LRIG1: variants seen among roughly 807,000 people sequenced by gnomAD.
LRIG1 encodes leucine-rich repeats and immunoglobulin-like domains protein 1.
LRIG1 carries 48 observed loss-of-function variants against 99.2 expected under a neutral mutation model. That is an observed-to-expected ratio of 0.48 (90% CI 0.38 to 0.62). The LOEUF is 0.62. Ranked by LOEUF, LRIG1 falls within the 20% of genes least tolerant of loss-of-function variation. LRIG1 has a pLI of 0.00. For missense variants in LRIG1, 1,646 were observed against 1,434.4 expected (o/e 1.15, Z -2.38); for synonymous variants, 772 against 596.1 (o/e 1.29, Z -4.30).
At chr3:66,381,765 C>T in intron 16 of LRIG1, 134 bp from the exon 17 acceptor site, 2 of 975,290 alleles carry the variant, frequency 2.1e-6, no homozygotes, top group Non-Finnish European at 3.0e-6. Flanking sequence ...GGCTGCTGGT[C>T]TGGCAAGCAG....
rs1277670688 is a variant in LRIG1 at position 66,380,591 on chromosome 3, G to A, written c.3041C>T (p.Ser1014Phe). Residue 1014 changes from serine to phenylalanine, a missense_variant, in exon 18 of 19, where the codon TCT becomes TTT. Transcript: ENST00000273261. ...LTAVKKKPMASLDGKGDSSWT... is the reference protein window; with the variant it reads ...LTAVKKKPMAFLDGKGDSSWT... ...TCAAAAGTTACCTTTCCCATCTAGA[G>A]ATGCCATTGGCTTTTTCTTCACAGC... is the stretch of plus-strand genomic sequence containing the variant. The A allele has an allele frequency of 1.9e-6, 3 of 1,613,732 alleles. No homozygotes were observed. The highest frequency in any genetic ancestry group is 2.5e-6 in the Non-Finnish European group (3 of 1,179,758).
At position 66,383,280 on chromosome 3, in the gene LRIG1, G is replaced by A. The variant is rs1701191402; in HGVS notation, c.2193C>T (p.Arg731=). 1.2e-6 allele frequency: 2 copies of A among 1,613,840 alleles called. No homozygotes were observed. The highest frequency in any genetic ancestry group is 1.7e-6 in the Non-Finnish European group (2 of 1,179,696). ...PPRITWFKGD[R]PLSLTERHHL... ...GGTGCCGCTCAGTGAGGCTCAGCGGGCGGTCCCCCTTGAACCAGGTGATGC... is the reference window on the plus strand; with the variant it reads ...GGTGCCGCTCAGTGAGGCTCAGCGGACGGTCCCCCTTGAACCAGGTGATGC... Residue 731 remains arginine, a synonymous_variant, in exon 15 of 19, where the codon CGC becomes CGT. Coordinates refer to ENST00000273261, the MANE Select transcript of LRIG1 (RefSeq NM_015541.3).
At chr3:66,404,647 C>T (rs1189925454) in intron 9 of LRIG1, among the ~76,000 whole-genome samples, 2 of 152,002 alleles carry the variant, frequency 1.3e-5, no homozygotes, top group East Asian at 1.9e-4. Context: ...TCATTAGGTA[C>T]AACACACACA....
chr3:66,479,342 G>A (rs188245714), intron 1 of LRIG1, among the ~76,000 whole-genome samples: 2 of 152,192 alleles, frequency 1.3e-5, no homozygotes, highest in Non-Finnish European at 2.9e-5. Context: ...AGCTCCCCTA[G>A]AGCGTCTGTA....
At chr3:66,477,843 A>T (rs530633975) in intron 1 of LRIG1, among the ~76,000 whole-genome samples, 1 of 75,198 alleles carries the variant, frequency 1.3e-5, no homozygotes, top group African/African-American at 3.1e-5. Context: ...TCCAGCAACT[A>T]TTTGAGTGAT....
chr3:66,434,973 A>G (rs1703304415), intron 3 of LRIG1, among the ~76,000 whole-genome samples: 1 of 152,160 alleles, frequency 6.6e-6, no homozygotes, highest in Non-Finnish European at 1.5e-5. Context: ...CACACACACA[A>G]AAGAAACCCA....
chr3:66,429,697 A>G (rs1703092802), intron 3 of LRIG1, among the ~76,000 whole-genome samples: 1 of 152,058 alleles, frequency 6.6e-6, no homozygotes, highest in African/African-American at 2.4e-5. Flanking sequence ...TAAACTATAA[A>G]CTTTAGTAAT....
intron 3 of LRIG1, among the ~76,000 whole-genome samples, chr3:66,426,284 A>G (rs75217817): frequency 0.057 from 8,723 of 152,282 alleles, 318 homozygotes; most frequent in South Asian, 0.15. Flanking sequence ...CAGCCAGACA[A>G]TATGTAAATG....
intron 3 of LRIG1, among the ~76,000 whole-genome samples, chr3:66,438,557 C>T (rs201807505): frequency 2.0e-5 from 3 of 152,148 alleles, no homozygotes; most frequent in Admixed American, 1.3e-4. Flanking sequence ...AAGCCAAGTG[C>T]CCTGACACTC....
chr3:66,446,844 C>T (rs922752434), intron 3 of LRIG1, among the ~76,000 whole-genome samples: 3 of 138,004 alleles, frequency 2.2e-5, no homozygotes, highest in Non-Finnish European at 3.1e-5. Flanking sequence ...GAGAAAAATG[C>T]TTTCCTCAAA....
In LRIG1 at chr3:66,401,524, G is replaced by T. The variant is rs552222995; in HGVS notation, c.1161-2483C>A. 3 of 911,146 alleles carry T rather than the reference G, an allele frequency of 3.3e-6. No homozygotes were observed. In the South Asian group the frequency reaches 6.1e-5, roughly 19 times the overall value. The allele number at this position is 911,146 out of a possible 1,614,324, so 56.4% of individuals were successfully genotyped here. On this transcript the variant is annotated intron_variant, in intron 9 of 18. Coordinates refer to ENST00000273261, the MANE Select transcript of LRIG1 (RefSeq NM_015541.3). ...TGAGGGCAGGCTGTTATTTTTAACG[G>T]TGACAATAGCAATAAAATAAATTCT...
intron 1 of LRIG1, among the ~76,000 whole-genome samples, chr3:66,483,539 A>G (rs948784044): frequency 2.6e-5 from 4 of 152,228 alleles, no homozygotes; most frequent in African/African-American, 9.6e-5. Context: ...AAAGAGGGAG[A>G]AAAGCTACCT....
At position 66,483,662 on chromosome 3, in the gene LRIG1, G is replaced by A. The variant is rs559278469; in HGVS notation, c.218+16528C>T. On this transcript the variant is annotated intron_variant, in intron 1 of 18. Coordinates refer to ENST00000273261, the MANE Select transcript of LRIG1 (RefSeq NM_015541.3). ...CATAAACTGAGCAGAATAACCACAAGGGGAAGGGTGTCTAGACAGCCTCGG... is the reference window on the plus strand; with the variant it reads ...CATAAACTGAGCAGAATAACCACAAAGGGAAGGGTGTCTAGACAGCCTCGG... 6.6e-5 allele frequency among the ~76,000 whole-genome samples: 10 copies of A among 152,344 alleles called. No individual in the cohort carries two copies. The East Asian group carries it at 7.7e-4, about 12-fold the overall frequency.
At chr3:66,438,186 G>T (rs900520356) in intron 3 of LRIG1, among the ~76,000 whole-genome samples, 2 of 152,140 alleles carry the variant, frequency 1.3e-5, no homozygotes, top group Non-Finnish European at 2.9e-5. Flanking sequence ...CACCGGACCC[G>T]AAGGGCCTGC....
intron 13 of LRIG1, 105 bp downstream of exon 13, chr3:66,385,876 A>T (rs373042120): frequency 1.4e-5 from 15 of 1,044,722 alleles, no homozygotes; most frequent in Middle Eastern, 2.1e-4. Context: ...CCACAGAAGC[A>T]TGTGTGTGTC....
chr3:66,429,278 A>T (rs879669306), intron 3 of LRIG1, among the ~76,000 whole-genome samples: 4 of 152,224 alleles, frequency 2.6e-5, no homozygotes, highest in Non-Finnish European at 5.9e-5. Flanking sequence ...CGGATCCCTG[A>T]AACGAAAAAA....
chr3:66,383,501 A>T (rs1701209156), intron 14 of LRIG1, 100 bp from the exon 15 acceptor site: 1 of 1,064,338 alleles, frequency 9.4e-7, no homozygotes, highest in Admixed American at 2.5e-5. Context: ...TATCAATGAG[A>T]TGCATCTGAG....
chr3:66,459,846 C>A (rs548316153), intron 2 of LRIG1, among the ~76,000 whole-genome samples: 92 of 152,190 alleles, frequency 6.0e-4, no homozygotes, highest in Middle Eastern at 3.4e-3. Flanking sequence ...TCATGATGAA[C>A]AAAATATGAA....
intron 1 of LRIG1, among the ~76,000 whole-genome samples, chr3:66,477,657 C>G (rs1352660702): frequency 6.6e-6 from 1 of 152,176 alleles, no homozygotes; most frequent in African/African-American, 2.4e-5. Context: ...AATCCCCTCT[C>G]GCCTCAAACC....
Sources: allele counts gnomAD v4.1 joint callset (sites outside exome capture counted in the v4.1 genomes callset), GRCh38; gene constraint gnomAD v4.1.1; transcripts MANE v1.5; gene names NCBI Gene and HGNC (gene_info 2026-07-23, HGNC 2026-07-21).